HERC5: variants seen among roughly 807,000 people sequenced by gnomAD.
The protein encoded by HERC5 is HECT and RLD domain containing E3 ubiquitin protein ligase 5, also known as E3 ISG15--protein ligase HERC5.
A neutral mutation model predicts 119.6 loss-of-function variants in HERC5; 99 were observed. The ratio of observed to expected loss-of-function variants is 0.83; its 90% CI spans 0.70 to 0.98. HERC5 has a LOEUF of 0.98. Ranked by LOEUF, HERC5 falls within the 50% of genes least tolerant of loss-of-function variation. The pLI is 0.00. For missense variants in HERC5, 1,267 were observed against 1,241.3 expected, an observed-to-expected ratio of 1.02 and a Z score of -0.31; for synonymous variants, 478 against 445.9, an observed-to-expected ratio of 1.07 and a Z score of -0.91.
At position 88,504,259 on chromosome 4, in the gene HERC5, T is replaced by C; in HGVS notation, c.2610T>C (p.Asn870=). ...NKRDYVSKYI[N]YIFNDSVKAV... Reference sequence around the variant, plus strand: ...GAGACTATGTTTCTAAGTATATCAATTACATTTTCAACGACTCTGTAAAGG... The same window carrying C: ...GAGACTATGTTTCTAAGTATATCAACTACATTTTCAACGACTCTGTAAAGG... Residue 870 remains asparagine (N), a synonymous_variant, in exon 21 of 23, where the codon AAT becomes AAC. Transcript: ENST00000264350. 2 of 1,606,250 alleles carry C rather than the reference T, an allele frequency of 1.2e-6. No homozygotes were observed. The highest frequency in any genetic ancestry group is 1.7e-6 in the Non-Finnish European group (2 of 1,174,394).
intron 9 of HERC5, among the ~76,000 whole-genome samples, chr4:88,469,679 T>C (rs1236955915): frequency 6.6e-6 from 1 of 152,234 alleles, no homozygotes; most frequent in Non-Finnish European, 1.5e-5. Context: ...GAAGGTCCTT[T>C]CTTTTTATTC....
intron 13 of HERC5, among the ~76,000 whole-genome samples, chr4:88,480,417 T>C (rs1283232668): frequency 6.6e-6 from 1 of 151,862 alleles, no homozygotes; most frequent in Non-Finnish European, 1.5e-5. Flanking sequence ...TTGACAGATA[T>C]ATATGCTGTT....
chr4:88,474,700 A>G (rs2149094570), intron 11 of HERC5, among the ~76,000 whole-genome samples: 1 of 152,342 alleles, frequency 6.6e-6, no homozygotes, highest in South Asian at 2.1e-4. Flanking sequence ...ATCCAGAGAA[A>G]TTCCCACTTA....
intron 1 of HERC5, among the ~76,000 whole-genome samples, chr4:88,458,994 G>A (rs1020333822): frequency 2.6e-5 from 4 of 152,116 alleles, no homozygotes; most frequent in African/African-American, 9.7e-5. Flanking sequence ...AGATTATGTT[G>A]TCTTAAAGTT....
chr4:88,500,247 T>G (rs1469226787), intron 19 of HERC5, among the ~76,000 whole-genome samples: 1 of 152,192 alleles, frequency 6.6e-6, no homozygotes, highest in Non-Finnish European at 1.5e-5. Context: ...GGCTGGATGG[T>G]CTACAGTGGT....
chr4:88,500,798 C>A, intron 19 of HERC5, 117 bp from the exon 20 acceptor site: 1 of 772,414 alleles, frequency 1.3e-6, no homozygotes, highest in Non-Finnish European at 2.1e-6. Flanking sequence ...GCTTTTATGA[C>A]AAAAATGTAC....
chr4:88,504,252 A>G lies in HERC5; in HGVS notation c.2603A>G (p.Tyr868Cys), dbSNP rs1308332127. The change falls in exon 21 of 23, where the codon TAT becomes TGT. Residue 868 changes from tyrosine (Y) to cysteine (C), a missense_variant. Physicochemically the swap from Tyr to Cys is radical, Grantham distance 194. Around this residue, in one of 3 missense-constraint regions of HERC5, gnomAD observed 473 missense variants for 445.7 expected, o/e 1.06. Coordinates refer to ENST00000264350, the MANE Select transcript of HERC5 (RefSeq NM_016323.4). ...QTNKRDYVSK[Y>C]INYIFNDSVK... is the part of the protein sequence containing the mutation. The stretch of plus-strand genomic sequence containing the variant: ...TAAAGGAGAGACTATGTTTCTAAGT[A>G]TATCAATTACATTTTCAACGACTCT... 1.2e-6 allele frequency: 2 copies of G among 1,601,958 alleles called. No individual in the cohort carries two copies. Among genetic ancestry groups the G allele is most frequent in the Non-Finnish European group, 8.5e-7 (1 of 1,170,868 alleles).
At position 88,467,182 on chromosome 4, in the gene HERC5, A is replaced by G. The variant is rs141001025; in HGVS notation, c.1035A>G (p.Ser345=). The G allele has an allele frequency of 1.2e-4, 199 of 1,614,074 alleles. No individual in the cohort carries two copies. The highest frequency in any genetic ancestry group is 1.5e-4 in the Non-Finnish European group (175 of 1,180,018). The change falls in exon 7 of 23, where the codon TCA becomes TCG. Residue 345 remains serine, a synonymous_variant. Coordinates refer to ENST00000264350, the MANE Select transcript of HERC5 (RefSeq NM_016323.4). ...DQLMPLPVKV[S]SSEELKLESH... is the part of the protein sequence containing the mutation. ...TGATGCCGCTTCCAGTGAAAGTATC[A>G]TCAAGTGAAGAACTCAAACTTGGTA... is the stretch of plus-strand genomic sequence containing the variant.
chr4:88,468,404 G>A lies in HERC5; in HGVS notation c.1116G>A (p.Leu372=), dbSNP rs151305721. 4 of 1,610,312 alleles carry A rather than the reference G, an allele frequency of 2.5e-6. No homozygotes were observed. The highest frequency in any genetic ancestry group is 3.4e-6 in the Non-Finnish European group (4 of 1,177,572). The part of the protein sequence containing the change: ...IMIAGGNQSI[L]LWIKKENSYV... Reference sequence around the variant, plus strand: ...TTGCTGGAGGGAATCAAAGCATTTTGCTCTGGATAAAGAAAGAGGTAAAAA... The same window carrying A: ...TTGCTGGAGGGAATCAAAGCATTTTACTCTGGATAAAGAAAGAGGTAAAAA... The change falls in exon 8 of 23, where the codon TTG becomes TTA. Residue 372 remains leucine (L), a synonymous_variant. Coordinates refer to ENST00000264350, the MANE Select transcript of HERC5 (RefSeq NM_016323.4).
Position 88,479,594 on chromosome 4 carries a change from CGT to C in HERC5, c.1737+91_1737+92del. 2.8e-6 allele frequency: 3 copies of C among 1,075,374 alleles called. No individual in the cohort carries two copies. The South Asian group carries it at 6.9e-5, about 25-fold the overall frequency. The allele number at this position is 1,075,374 out of a possible 1,614,324, so 66.6% of individuals were successfully genotyped here. ...GCTGGCTTGAATCTTTAAGTAGACT[CGT>C]GTGAGACATACGAAGTTTATATTGC... On this transcript the variant is annotated intron_variant, in intron 13 of 22. Transcript: ENST00000264350.
At chr4:88,486,853 T>G (rs1160480997) in intron 14 of HERC5, among the ~76,000 whole-genome samples, 1 of 152,226 alleles carries the variant, frequency 6.6e-6, no homozygotes, top group Admixed American at 6.5e-5. Flanking sequence ...TATAATTAAT[T>G]GCTAAATTAA....
chr4:88,479,834 A>G (rs1213468099), intron 13 of HERC5, among the ~76,000 whole-genome samples: 3 of 152,118 alleles, frequency 2.0e-5, no homozygotes, highest in Non-Finnish European at 4.4e-5. Flanking sequence ...TTAGGAGGCC[A>G]AGGCGGGCGG....
At chr4:88,477,633 G>A (rs1306900494) in intron 12 of HERC5, among the ~76,000 whole-genome samples, 7 of 151,558 alleles carry the variant, frequency 4.6e-5, no homozygotes, top group African/African-American at 7.3e-5. Flanking sequence ...AAGGAGGAAG[G>A]AAGGATGAAT....
chr4:88,470,493 GGA>G, intron 9 of HERC5, 119 bp from the exon 10 acceptor site: 1 of 602,986 alleles, frequency 1.7e-6, no homozygotes, highest in South Asian at 2.1e-5. Flanking sequence ...GGAGACAAAT[GGA>G]GAGGTTGGAA....
At chr4:88,504,628 A>G in intron 22 of HERC5, 31 bp downstream of exon 22, 6 of 1,314,568 alleles carry the variant, frequency 4.6e-6, no homozygotes, top group South Asian at 1.6e-5. Context: ...TAGATCTGTA[A>G]TCGTATGTCT....
At chr4:88,503,737 A>G (rs1742015257) in intron 20 of HERC5, among the ~76,000 whole-genome samples, 1 of 152,140 alleles carries the variant, frequency 6.6e-6, no homozygotes, top group East Asian at 1.9e-4. Context: ...TTTAAGTTAT[A>G]TATGTTATAA....
At chr4:88,492,956 C>T in intron 16 of HERC5, 56 bp from the exon 17 acceptor site, 1 of 1,534,158 alleles carries the variant, frequency 6.5e-7, no homozygotes, top group African/African-American at 1.4e-5. Context: ...AATGAGACTT[C>T]ATATATAGCA....
In HERC5 at chr4:88,493,000, C is replaced by G. The variant is rs749250245; in HGVS notation, c.2134-12C>G. 19 of 1,612,996 alleles carry G rather than the reference C, an allele frequency of 1.2e-5. No individual in the cohort carries two copies. The Admixed American group carries it at 3.2e-4, about 27-fold the overall frequency. On this transcript the variant is annotated splice_polypyrimidine_tract_variant and intron_variant, in intron 16 of 22. Transcript: ENST00000264350. Reference sequence around the variant, plus strand: ...CCCTGGAAGTGATGTATTATTTGCTCTGTTTCCTCAGGTTTCATTTAGTGG... The same window carrying G: ...CCCTGGAAGTGATGTATTATTTGCTGTGTTTCCTCAGGTTTCATTTAGTGG...
In HERC5 at chr4:88,506,060, G is replaced by A. The variant is rs1274017748; in HGVS notation, c.*182G>A. On this transcript the variant is annotated 3_prime_UTR_variant, in exon 23 of 23. Coordinates refer to ENST00000264350, the MANE Select transcript of HERC5 (RefSeq NM_016323.4). ...AAGAAGAGGGTTTACTGGCCGGTTA[G>A]AACCCGTGACTGTATTCTCTCCCTT... 6 of 598,320 alleles carry A rather than the reference G, an allele frequency of 1.0e-5. No homozygotes were observed. The East Asian group carries it at 1.7e-4, about 17-fold the overall frequency. 37.1% of individuals were successfully genotyped at this position (598,320 alleles called of 1,614,324 possible). A position where few individuals can be genotyped will look rare whatever the true frequency, so the allele number is the denominator to read the frequency against.
Sources: gnomAD v4.1 joint callset for allele counts (sites outside exome capture counted in the v4.1 genomes callset) on GRCh38, gnomAD v4.1.1 for gene constraint, gnomAD v4.1.1 regional missense constraint, MANE v1.5 for transcripts, NCBI Gene and HGNC (gene_info 2026-07-23, HGNC 2026-07-21) for gene names.